Variants in GFPT2 observed in about 807,000 individuals in gnomAD.
GFPT2 encodes the protein glutamine--fructose-6-phosphate aminotransferase [isomerizing] 2.
A neutral mutation model predicts 85.6 loss-of-function variants in GFPT2; 62 were observed. The ratio of observed to expected loss-of-function variants is 0.72; its 90% CI spans 0.59 to 0.90. The LOEUF is 0.90. Among genes scored for constraint, GFPT2 ranks in the 40% least tolerant of loss-of-function variants. The pLI is 0.00. For missense variants in GFPT2, 788 were observed against 893.4 expected, an observed-to-expected ratio of 0.88 and a Z score of 1.50; for synonymous variants, 368 against 344.5, an observed-to-expected ratio of 1.07 and a Z score of -0.75.
At chr5:180,336,146 T>A in intron 3 of GFPT2, 193 bp from the exon 4 acceptor site, 1 of 576,940 alleles carries the variant, frequency 1.7e-6, no homozygotes, top group Non-Finnish European at 3.0e-6. Context: ...TGTCTGTAGC[T>A]TAGCTCACTT....
chr5:180,312,138 C>CCAGGGAGG (rs1748817001), intron 15 of GFPT2, among the ~76,000 whole-genome samples: 1 of 25,414 alleles, frequency 3.9e-5, no homozygotes, highest in South Asian at 1.9e-3. Flanking sequence ...AGGCTGAGGA[C>CCAGGGAGG]CAGGGAGGCA....
intron 5 of GFPT2, chr5:180,331,290 C>T (rs1449922383): frequency 5.2e-6 from 3 of 576,338 alleles, no homozygotes; most frequent in Non-Finnish European, 9.1e-6. Flanking sequence ...TTGAGATAAA[C>T]ACTAATGCCC....
intron 1 of GFPT2, among the ~76,000 whole-genome samples, chr5:180,352,073 G>A (rs959472931): frequency 2.0e-5 from 3 of 152,164 alleles, no homozygotes; most frequent in African/African-American, 7.2e-5. Context: ...TTTAGCTGAG[G>A]GTTCAGGAAT....
intron 1 of GFPT2, among the ~76,000 whole-genome samples, chr5:180,343,344 G>A (rs1352719439): frequency 6.6e-6 from 1 of 152,206 alleles, no homozygotes; most frequent in African/African-American, 2.4e-5. Flanking sequence ...ACAGCCTCCT[G>A]GACAGCAGCG....
Position 180,316,872 on chromosome 5 carries a change from C to G in GFPT2, c.1055-11G>C, listed in dbSNP as rs1475637723. 3 of 1,605,726 alleles carry G rather than the reference C, an allele frequency of 1.9e-6. No homozygotes were observed. The highest frequency in any genetic ancestry group is 1.7e-6 in the Non-Finnish European group (2 of 1,172,458). On this transcript the variant is annotated splice_polypyrimidine_tract_variant and intron_variant, in intron 11 of 18. Coordinates refer to ENST00000253778, the MANE Select transcript of GFPT2 (RefSeq NM_005110.4). ...AGCCACCCAGGAGCACTGCAGGGCA[C>G]ACGACAAGGCGTTAATGCTGAGTCT...
intron 8 of GFPT2, 184 bp from the exon 9 acceptor site, chr5:180,324,489 AT>A (rs753600533): frequency 1.7e-6 from 1 of 588,834 alleles, no homozygotes; most frequent in Non-Finnish European, 3.0e-6. Flanking sequence ...AAGCATTTAA[AT>A]GGCTACAGTG....
chr5:180,346,448 T>A (rs1404161411), intron 1 of GFPT2, among the ~76,000 whole-genome samples: 1 of 152,084 alleles, frequency 6.6e-6, no homozygotes, highest in Non-Finnish European at 1.5e-5. Flanking sequence ...CAACTCCACC[T>A]TTCTCCTCCT....
At chr5:180,335,136 T>C (rs1764371481) in intron 4 of GFPT2, among the ~76,000 whole-genome samples, 1 of 152,246 alleles carries the variant, frequency 6.6e-6, no homozygotes, top group African/African-American at 2.4e-5. Flanking sequence ...TCCAACGTGC[T>C]GTCAGCTCAG....
At chr5:180,315,337 C>A (rs1321604706) in intron 13 of GFPT2, among the ~76,000 whole-genome samples, 1 of 152,132 alleles carries the variant, frequency 6.6e-6, no homozygotes, top group Admixed American at 6.5e-5. Flanking sequence ...GCCACCACGC[C>A]CGGCTAATTG....
chr5:180,305,964 CTTTTTTTTTTCTTTCTTTCT>C (rs1469412635), intron 16 of GFPT2, among the ~76,000 whole-genome samples: 2 of 144,486 alleles, frequency 1.4e-5, no homozygotes, highest in Non-Finnish European at 3.0e-5. Context: ...CATTGTCTTT[CTTTTTTTTTTCTTTCTTTCT>C]TTTTTTTTTT....
rs1414460971 is a variant in GFPT2 at position 180,312,129 on chromosome 5, G to A, written c.1546+301C>T. Among the ~76,000 whole-genome samples, 823 of 100,490 alleles carry A rather than the reference G, an allele frequency of 8.2e-3. 137 individuals are homozygous for A. Among genetic ancestry groups the A allele is most frequent in the East Asian group, 0.025 (66 of 2,622 alleles). 65.9% of individuals were successfully genotyped at this position (100,490 alleles called of 152,430 possible). On this transcript the variant is annotated intron_variant, in intron 15 of 18. Coordinates refer to ENST00000253778, the MANE Select transcript of GFPT2 (RefSeq NM_005110.4). ...GACCAGGGAGGCAGGGAGGCGGGGA[G>A]GCTGAGGACCAGGGAGGCAGGGAGG...
intron 1 of GFPT2, among the ~76,000 whole-genome samples, chr5:180,343,295 G>A (rs990362615): frequency 7.9e-5 from 12 of 152,278 alleles, no homozygotes; most frequent in Non-Finnish European, 1.3e-4. Flanking sequence ...GAGAACGTTC[G>A]GCACGCTCCG....
intron 16 of GFPT2, among the ~76,000 whole-genome samples, chr5:180,306,934 T>C (rs10903252): frequency 0.62 from 94,506 of 152,118 alleles, 29,484 homozygotes; most frequent in East Asian, 0.87. Flanking sequence ...AGGCGCCCTG[T>C]CCCTTTCTCC....
chr5:180,315,336 C>G (rs531607763), intron 13 of GFPT2, among the ~76,000 whole-genome samples: 6 of 152,240 alleles, frequency 3.9e-5, no homozygotes, highest in Admixed American at 2.0e-4. Flanking sequence ...CGCCACCACG[C>G]CCGGCTAATT....
chr5:180,321,705 G>A (rs959239096), intron 9 of GFPT2, among the ~76,000 whole-genome samples: 13 of 152,238 alleles, frequency 8.5e-5, no homozygotes, highest in African/African-American at 2.4e-4. Context: ...TACACTACAC[G>A]CGACAGAATC....
intron 15 of GFPT2, among the ~76,000 whole-genome samples, chr5:180,310,631 G>A (rs1390497529): frequency 2.6e-5 from 4 of 151,244 alleles, no homozygotes; most frequent in African/African-American, 4.9e-5. Flanking sequence ...GGATGGTCTC[G>A]AACTCCTGAC....
Position 180,353,323 on chromosome 5 carries a change from C to A in GFPT2, c.-106G>T. On this transcript the variant is annotated 5_prime_UTR_variant, in exon 1 of 19. Coordinates refer to ENST00000253778, the MANE Select transcript of GFPT2 (RefSeq NM_005110.4). ...TGGGCTCCGTGGGCTCCGTGGGCTCCGCGGGCTCCAGCTCCCGTCCGCTCG... is the reference window on the plus strand; with the variant it reads ...TGGGCTCCGTGGGCTCCGTGGGCTCAGCGGGCTCCAGCTCCCGTCCGCTCG... The A allele has an allele frequency of 1.1e-6, 1 of 874,292 alleles. No individual in the cohort carries two copies. Among genetic ancestry groups the A allele is most frequent in the African/African-American group, 2.1e-5 (1 of 48,682 alleles). The allele number at this position is 874,292 out of a possible 1,614,324, so 54.2% of individuals were successfully genotyped here. A position where few individuals can be genotyped will look rare whatever the true frequency, so the allele number is the denominator to read the frequency against.
intron 5 of GFPT2, 174 bp from the exon 6 acceptor site, chr5:180,331,008 C>G (rs892791788): frequency 1.7e-6 from 1 of 605,664 alleles, no homozygotes; most frequent in African/African-American, 1.9e-5. Context: ...CTCTGAGTCA[C>G]TCCCGGAGGC....
chr5:180,304,316 A>T (rs1259041252), intron 17 of GFPT2, among the ~76,000 whole-genome samples: 1 of 152,200 alleles, frequency 6.6e-6, no homozygotes, highest in African/African-American at 2.4e-5. Context: ...GAATCCTTGG[A>T]TTCATAGTCA....
Sources: gnomAD v4.1 joint callset for allele counts (sites outside exome capture counted in the v4.1 genomes callset) on GRCh38, gnomAD v4.1.1 for gene constraint, MANE v1.5 for transcripts, NCBI Gene and HGNC (gene_info 2026-07-23, HGNC 2026-07-21) for gene names.